CEP89: variants seen among roughly 807,000 people sequenced by gnomAD.
The protein encoded by CEP89 is centrosomal protein 89.
CEP89 carries 95 observed loss-of-function variants against 97.6 expected under a neutral mutation model. The observed-to-expected ratio is 0.97, with a 90% confidence interval of 0.82 to 1.15. CEP89 has a LOEUF of 1.15. Ranked by LOEUF, CEP89 falls within the 50% of genes most tolerant of loss-of-function variation. The probability of loss-of-function intolerance (pLI) is 0.00; values close to 1 mark genes in which losing one functional copy is unlikely to be tolerated. For missense variants in CEP89, 869 were observed against 947.7 expected (o/e 0.92, Z 1.09); for synonymous variants, 354 against 349.1 (o/e 1.01, Z -0.16).
At chr19:32,899,742 G>T (rs1032454264) in intron 16 of CEP89, 115 bp downstream of exon 16, 12 of 985,524 alleles carry the variant, frequency 1.2e-5, no homozygotes, top group Non-Finnish European at 1.8e-5. Flanking sequence ...ACCATCCATC[G>T]TAAGTCAGGG....
At position 32,939,888 on chromosome 19, in the gene CEP89, G is replaced by A; in HGVS notation, c.596-3C>T. On this transcript the variant is annotated splice_region_variant and splice_polypyrimidine_tract_variant and intron_variant, in intron 5 of 18. Transcript: ENST00000305768. ...ATTCAGAACAGGGTGTTTACCATCT[G>A]ATGAAGAAAAAGAGAGAGAGATAAA... is the stretch of plus-strand genomic sequence containing the variant. 7.9e-7 allele frequency: 1 copy of A among 1,273,094 alleles called. No homozygotes were observed. The highest frequency in any genetic ancestry group is 1.1e-6 in the Non-Finnish European group (1 of 893,484). The allele number at this position is 1,273,094 out of a possible 1,614,324, so 78.9% of individuals were successfully genotyped here.
chr19:32,953,867 CTTTTTTT>C, intron 3 of CEP89, 66 bp from the exon 4 acceptor site: 61 of 607,516 alleles, frequency 1.0e-4, no homozygotes, highest in Non-Finnish European at 1.2e-4. Context: ...TGATAAATAT[CTTTTTTT>C]TTTTTTTTTT....
chr19:32,892,992 C>G (rs2145878379), intron 16 of CEP89, among the ~76,000 whole-genome samples: 1 of 151,978 alleles, frequency 6.6e-6, no homozygotes, highest in East Asian at 1.9e-4. Context: ...CACAAAACAA[C>G]CAGAAAACAA....
intron 16 of CEP89, among the ~76,000 whole-genome samples, chr19:32,896,319 T>C (rs1293229284): frequency 1.3e-5 from 2 of 152,056 alleles, no homozygotes; most frequent in East Asian, 1.9e-4. Context: ...AGCCCACATA[T>C]TTACTGCCAA....
chr19:32,971,575 T>G (rs927659307), intron 1 of CEP89: 3 of 580,002 alleles, frequency 5.2e-6, no homozygotes, highest in African/African-American at 3.8e-5. Flanking sequence ...GAAGATCGCT[T>G]GAGCCCAGGA....
At chr19:32,914,379 T>C (rs1970075566) in intron 14 of CEP89, among the ~76,000 whole-genome samples, 1 of 151,958 alleles carries the variant, frequency 6.6e-6, no homozygotes, top group South Asian at 2.1e-4. Context: ...GCAGCCTCGA[T>C]CTCCCATGTA....
intron 17 of CEP89, among the ~76,000 whole-genome samples, chr19:32,885,296 CGA>C (rs1969371375): frequency 1.3e-5 from 2 of 152,124 alleles, no homozygotes; most frequent in African/African-American, 4.8e-5. Context: ...TTAATTTTGC[CGA>C]AGTTTCCCCA....
At chr19:32,925,477 A>C (rs1970335944) in intron 11 of CEP89, among the ~76,000 whole-genome samples, 1 of 147,714 alleles carries the variant, frequency 6.8e-6, no homozygotes, top group Non-Finnish European at 1.5e-5. Flanking sequence ...ATGTCTGCCC[A>C]AATAGCCCTT....
In CEP89 at chr19:32,924,109, G is replaced by A. The variant is rs1038362540; in HGVS notation, c.1165-567C>T. The stretch of plus-strand genomic sequence containing the variant: ...CAGCCTCAACCTCCTAGGCTCAAGC[G>A]ATCCTCCCACCTCAGCTTCCCAAGT... On this transcript the variant is annotated intron_variant, in intron 11 of 18. Transcript: ENST00000305768. 1.0e-4 allele frequency among the ~76,000 whole-genome samples: 15 copies of A among 150,700 alleles called. No homozygotes were observed. The Admixed American group carries it at 1.0e-3, about 10-fold the overall frequency.
chr19:32,912,193 ACT>A (rs1392161630), intron 14 of CEP89, among the ~76,000 whole-genome samples: 1 of 147,894 alleles, frequency 6.8e-6, no homozygotes, highest in Non-Finnish European at 1.5e-5. Context: ...ACAGAGTAAG[ACT>A]CTGTCTCAAA....
chr19:32,931,374 C>T, intron 9 of CEP89, 55 bp downstream of exon 9: 1 of 1,466,726 alleles, frequency 6.8e-7, no homozygotes, highest in Non-Finnish European at 9.2e-7. Context: ...GAAATCAATT[C>T]AACAGTAAAG....
intron 14 of CEP89, among the ~76,000 whole-genome samples, chr19:32,904,082 C>T (rs1969839680): frequency 6.6e-6 from 1 of 152,188 alleles, no homozygotes; most frequent in Non-Finnish European, 1.5e-5. Context: ...ATCACTTGAG[C>T]CCAGGAGGTC....
chr19:32,949,067 T>C (rs993944644), intron 4 of CEP89, among the ~76,000 whole-genome samples: 1 of 152,098 alleles, frequency 6.6e-6, no homozygotes, highest in African/African-American at 2.4e-5. Context: ...AGTGCTGACC[T>C]CCCCTGGGAG....
chr19:32,901,468 C>T, intron 14 of CEP89, 56 bp from the exon 15 acceptor site: 1 of 1,555,662 alleles, frequency 6.4e-7, no homozygotes. Context: ...TAAAATGGGG[C>T]AGTCACATAA....
intron 14 of CEP89, 37 bp downstream of exon 14, chr19:32,915,300 G>GAA (rs372853413): frequency 2.5e-3 from 3,005 of 1,210,956 alleles, no homozygotes; most frequent in Admixed American, 4.8e-3. Flanking sequence ...CTCGAAAAAA[G>GAA]AAAAAAAAAA....
intron 14 of CEP89, among the ~76,000 whole-genome samples, chr19:32,907,113 G>A (rs2099335): frequency 0.38 from 57,378 of 152,046 alleles, 11,171 homozygotes; most frequent in Non-Finnish European, 0.41. Flanking sequence ...TAATCCCATC[G>A]CTTTGGTAGG....
chr19:32,930,850 G>A (rs1334033780), intron 9 of CEP89, among the ~76,000 whole-genome samples: 1 of 152,042 alleles, frequency 6.6e-6, no homozygotes, highest in Non-Finnish European at 1.5e-5. Flanking sequence ...TGAGAAGGGA[G>A]CAGCCGACAT....
At chr19:32,911,819 G>A (rs940060354) in intron 14 of CEP89, among the ~76,000 whole-genome samples, 2 of 152,156 alleles carry the variant, frequency 1.3e-5, no homozygotes, top group African/African-American at 2.4e-5. Context: ...AGGAGGAGTT[G>A]GAGAGAAACA....
At chr19:32,900,218 T>A (rs546248797) in intron 15 of CEP89, among the ~76,000 whole-genome samples, 1 of 150,590 alleles carries the variant, frequency 6.6e-6, no homozygotes. Context: ...ATAAGAGGAG[T>A]TGCAAATGTC....
Sources: allele counts gnomAD v4.1 joint callset (sites outside exome capture counted in the v4.1 genomes callset), GRCh38; gene constraint gnomAD v4.1.1; transcripts MANE v1.5; gene names NCBI Gene and HGNC (gene_info 2026-07-23, HGNC 2026-07-21).